Variants in NRDE2 observed in about 807,000 individuals in gnomAD.
NRDE2 encodes NRDE-2, necessary for RNA interference, domain containing.
In NRDE2, 76 loss-of-function variants were observed where a neutral mutation model predicts 124.2. The ratio of observed to expected loss-of-function variants is 0.61; its 90% confidence interval spans 0.51 to 0.74. The LOEUF (loss-of-function observed/expected upper bound fraction) is 0.74, where lower values mean the gene tolerates loss of function less well. NRDE2 is among the 30% of genes least tolerant of loss of function. NRDE2 has a pLI of 0.00. For synonymous variants in NRDE2, 489 were observed against 528.1 expected, an observed-to-expected ratio of 0.93 and a Z score of 1.01; for missense variants, 1,314 against 1,417.3, an observed-to-expected ratio of 0.93 and a Z score of 1.17.
chr14:90,283,988 G>A (rs1280831993), intron 12 of NRDE2, among the ~76,000 whole-genome samples: 1 of 152,160 alleles, frequency 6.6e-6, no homozygotes, highest in African/African-American at 2.4e-5. Context: ...TGGGATTACA[G>A]GCATGAGCCA....
chr14:90,296,064 C>T (rs778150602), intron 8 of NRDE2, among the ~76,000 whole-genome samples: 6 of 152,166 alleles, frequency 3.9e-5, no homozygotes, highest in Non-Finnish European at 5.9e-5. Flanking sequence ...AGTCTGTGGA[C>T]ACTGCTATGA....
At chr14:90,317,487 A>G (rs1022416788) in intron 2 of NRDE2, among the ~76,000 whole-genome samples, 1 of 152,214 alleles carries the variant, frequency 6.6e-6, no homozygotes, top group Non-Finnish European at 1.5e-5. Context: ...CATTTAGAGT[A>G]CCGGGTTTCA....
intron 8 of NRDE2, among the ~76,000 whole-genome samples, chr14:90,295,918 T>C (rs997014898): frequency 1.3e-5 from 2 of 152,232 alleles, no homozygotes; most frequent in African/African-American, 4.8e-5. Context: ...AGAATGTAAG[T>C]ACCAACACAA....
chr14:90,282,366 C>T (rs1157052652), intron 12 of NRDE2, among the ~76,000 whole-genome samples: 1 of 151,762 alleles, frequency 6.6e-6, no homozygotes, highest in Non-Finnish European at 1.5e-5. Flanking sequence ...GTCCCAGCTA[C>T]TCAGGAGGCT....
chr14:90,312,825 ACAG>A (rs1160562803), intron 3 of NRDE2, among the ~76,000 whole-genome samples: 1 of 152,234 alleles, frequency 6.6e-6, no homozygotes, highest in African/African-American at 2.4e-5. Context: ...ATATAGGTAT[ACAG>A]CAGTTCTTTT....
In NRDE2 at chr14:90,298,287, G is replaced by A. The variant is rs1884255757; in HGVS notation, c.1639C>T (p.Arg547Ter). The change falls in exon 8 of 14, where the codon CGA (arginine) becomes TGA (stop). Residue 547 changes from arginine to a stop codon, truncating the protein, a stop_gained. Coordinates refer to ENST00000354366, the MANE Select transcript of NRDE2 (RefSeq NM_017970.4). LOFTEE classifies it high-confidence loss of function. Reference sequence around the variant, plus strand: ...GGGTTGATGACCACCCAGCCACCTCGTTCCTGCTGGTGCATCCACGCCTTC... The same window carrying A: ...GGGTTGATGACCACCCAGCCACCTCATTCCTGCTGGTGCATCCACGCCTTC... ...GWKAWMHQQE[R>*]GGWVVINPDE... The A allele has an allele frequency of 2.5e-6, 4 of 1,613,610 alleles. No homozygotes were observed. The highest frequency in any genetic ancestry group is 2.2e-5 in the South Asian group (2 of 91,076).
intron 12 of NRDE2, among the ~76,000 whole-genome samples, chr14:90,285,885 T>C (rs1892089729): frequency 6.6e-6 from 1 of 152,186 alleles, no homozygotes; most frequent in Non-Finnish European, 1.5e-5. Flanking sequence ...TTTTCCCGCC[T>C]TGGCCTCCGA....
At position 90,272,358 on chromosome 14, in the gene NRDE2, A is replaced by AT; in HGVS notation, c.*5977dup. ...GAAGACTTCAAAAAATCTAAAGAAA[A>AT]TGTTCTTTATAAGAAACAGGAAGGC... On this transcript the variant is annotated 3_prime_UTR_variant, in exon 14 of 14. Transcript: ENST00000354366. This position sits in a 1 kb window ranked among gnomAD's most constrained non-coding sequence, Gnocchi z 4.5. The AT allele has an allele frequency of 6.3e-7, 1 of 1,599,422 alleles. No homozygotes were observed.
rs566312170 is a variant in NRDE2, at chr14:90,306,636, C to A, written c.558-2254G>T. Among the ~76,000 whole-genome samples, 4 of 151,774 alleles carry A rather than the reference C, an allele frequency of 2.6e-5. No individual in the cohort carries two copies. In the South Asian group the frequency reaches 8.3e-4, roughly 32 times the overall value. On this transcript the variant is annotated intron_variant, in intron 4 of 13. Transcript: ENST00000354366. ...GATCGGTCTGGCTAACATGGTGAAA[C>A]CCCGTCTCTACTAACTATACAAAAT... is the stretch of plus-strand genomic sequence containing the variant.
intron 7 of NRDE2, among the ~76,000 whole-genome samples, chr14:90,298,924 T>C (rs2139685061): frequency 6.6e-6 from 1 of 152,270 alleles, no homozygotes; most frequent in South Asian, 2.1e-4. Flanking sequence ...CACAACCATA[T>C]CTTAAGTAAC....
At chr14:90,309,515 T>C (rs998315174) in intron 4 of NRDE2, among the ~76,000 whole-genome samples, 1 of 150,246 alleles carries the variant, frequency 6.7e-6, no homozygotes, top group African/African-American at 2.4e-5. Context: ...ACACTGTCTG[T>C]CTCCATAACC....
Position 90,290,543 on chromosome 14 carries a change from A to G in NRDE2, c.1907T>C (p.Leu636Pro). 1 of 1,613,782 alleles carries G rather than the reference A, an allele frequency of 6.2e-7. No individual in the cohort carries two copies. Among genetic ancestry groups the G allele is most frequent in the Non-Finnish European group, 8.5e-7 (1 of 1,179,854 alleles). The stretch of plus-strand genomic sequence containing the variant: ...CAAGAACTGCAGGAAGGCCTCCACC[A>G]GCTGGAACTGAAGATCATGGCTGGA... ...RLSSHDLQFQLVEAFLQFLGV... is the reference protein window; with the variant it reads ...RLSSHDLQFQPVEAFLQFLGV... Residue 636 changes from leucine to proline, a missense_variant, in exon 10 of 14, where the codon CTG (leucine) becomes CCG (proline). By Grantham distance (98) the Leu-to-Pro change is moderately conservative (BLOSUM62 -3). Coordinates refer to ENST00000354366, the MANE Select transcript of NRDE2 (RefSeq NM_017970.4).
chr14:90,309,027 G>A (rs1884723334), intron 4 of NRDE2, among the ~76,000 whole-genome samples: 1 of 152,040 alleles, frequency 6.6e-6, no homozygotes, highest in African/African-American at 2.4e-5. Flanking sequence ...CGGATCATGA[G>A]GTCAGGAGAT....
At chr14:90,324,910 GT>G in intron 1 of NRDE2, among the ~76,000 whole-genome samples, 1 of 152,318 alleles carries the variant, frequency 6.6e-6, no homozygotes, top group Non-Finnish European at 1.5e-5. Context: ...ACATTTAAAA[GT>G]TCTTGCAACA....
chr14:90,286,387 G>A lies in NRDE2; in HGVS notation c.3264C>T (p.Cys1088=), dbSNP rs754457316. The change falls in exon 12 of 14, where the codon TGC becomes TGT. Residue 1088 remains cysteine, a synonymous_variant. Coordinates refer to ENST00000354366, the MANE Select transcript of NRDE2 (RefSeq NM_017970.4). The part of the protein sequence containing the change: ...NAMRSDSGSQ[C]PLLWRMYLNF... ...TCAAATACATCCTCCACAGCAAGGG[G>A]CACTGGCTGCCACTGTCGCTGCGCA... is the stretch of plus-strand genomic sequence containing the variant. 7 of 1,613,938 alleles carry A rather than the reference G, an allele frequency of 4.3e-6. No individual in the cohort carries two copies. The African/African-American group carries it at 8.0e-5, about 18-fold the overall frequency.
Position 90,276,667 on chromosome 14 carries a change from C to T in NRDE2, c.*1669G>A, listed in dbSNP as rs1051515017. On this transcript the variant is annotated 3_prime_UTR_variant, in exon 14 of 14. Transcript: ENST00000354366. ...TGTTCGAGCAGCCGCTTTATCCTCT[C>T]GGGGGCTCACTGCCCACTGCTAAGA... 2.0e-5 allele frequency: 3 copies of T among 152,158 alleles called. No homozygotes were observed. The highest frequency in any genetic ancestry group is 2.9e-5 in the Non-Finnish European group (2 of 68,028). The allele number at this position is 152,158 out of a possible 1,614,324, so 9.4% of individuals were successfully genotyped here. A position where few individuals can be genotyped will look rare whatever the true frequency, so the allele number is the denominator to read the frequency against.
chr14:90,309,575 T>A lies in NRDE2; in HGVS notation c.557+2819A>T, dbSNP rs548287714. On this transcript the variant is annotated intron_variant, in intron 4 of 13. Coordinates refer to ENST00000354366, the MANE Select transcript of NRDE2 (RefSeq NM_017970.4). The stretch of plus-strand genomic sequence containing the variant: ...TTTCCTATCTCCCTCACAGTTACTC[T>A]CTTCCTATAAAACACACAGACTCCA... 2.6e-4 allele frequency among the ~76,000 whole-genome samples: 40 copies of A among 151,848 alleles called. 1 individual carries two copies. In the South Asian group the frequency reaches 6.9e-3, roughly 26 times the overall value.
rs10599013 is a variant in NRDE2 at position 90,269,711 on chromosome 14, CAG to C, written c.*8623_*8624del. ...GGTCCTCTTGAGATGAGGGTTAAAA[CAG>C]AGCATGATATGGTCTGTGCACCTTG... On this transcript the variant is annotated 3_prime_UTR_variant, in exon 14 of 14. Transcript: ENST00000354366. 74,558 of 686,208 alleles carry C rather than the reference CAG, an allele frequency of 0.11. 4,892 individuals carry two copies. The highest frequency in any genetic ancestry group is 0.19 in the African/African-American group (10,575 of 55,006). 42.5% of individuals were successfully genotyped at this position (686,208 alleles called of 1,614,324 possible). A position where few individuals can be genotyped will look rare whatever the true frequency, so the allele number is the denominator to read the frequency against.
chr14:90,272,733 G>A lies in NRDE2; in HGVS notation c.*5603C>T, dbSNP rs1302660065. 4.7e-6 allele frequency: 1 copy of A among 214,950 alleles called. No individual in the cohort carries two copies. The highest frequency in any genetic ancestry group is 9.4e-6 in the Non-Finnish European group (1 of 106,454). The allele number at this position is 214,950 out of a possible 1,614,324, so 13.3% of individuals were successfully genotyped here. A position where few individuals can be genotyped will look rare whatever the true frequency, so the allele number is the denominator to read the frequency against. ...CAGGAACTCAGGCTGCGGTCCCAAG[G>A]AGTGTGGACCTCACTATGCGTTCGC... On this transcript the variant is annotated 3_prime_UTR_variant, in exon 14 of 14. Coordinates refer to ENST00000354366, the MANE Select transcript of NRDE2 (RefSeq NM_017970.4). The surrounding 1 kb of genome is among the most constrained non-coding windows in gnomAD (Gnocchi z 4.5).
Sources: allele counts gnomAD v4.1 joint callset (sites outside exome capture counted in the v4.1 genomes callset), GRCh38; gene constraint gnomAD v4.1.1; non-coding constraint Gnocchi (gnomAD v3.1); transcripts MANE v1.5; gene names NCBI Gene and HGNC (gene_info 2026-07-23, HGNC 2026-07-21).